The following SLC41A3 variants were observed in gnomAD, a reference collection of about 807,000 sequenced individuals.
SLC41A3 encodes the protein SLC41A1-like 2.
Under a neutral mutation model 45.4 loss-of-function variants are expected in SLC41A3, and 44 were observed. The ratio of observed to expected loss-of-function variants is 0.97; its 90% CI spans 0.76 to 1.25. The LOEUF is 1.25. SLC41A3 is among the 50% of genes most tolerant of loss of function. The pLI is 0.00. For missense variants in SLC41A3, 550 were observed against 600.6 expected, an observed-to-expected ratio of 0.92 and a Z score of 0.88; for synonymous variants, 256 against 252.4, an observed-to-expected ratio of 1.01 and a Z score of -0.13.
At chr3:126,050,442 G>A (rs1199801574) in intron 3 of SLC41A3, among the ~76,000 whole-genome samples, 1 of 152,228 alleles carries the variant, frequency 6.6e-6, no homozygotes, top group Admixed American at 6.5e-5. Context: ...GCTAGGAACT[G>A]TGTTGGTTCA....
intron 4 of SLC41A3, among the ~76,000 whole-genome samples, chr3:126,030,971 T>C (rs1017260196): frequency 6.6e-6 from 1 of 152,224 alleles, no homozygotes; most frequent in Non-Finnish European, 1.5e-5. Flanking sequence ...TGTGTATTTG[T>C]ACAAAGCATT....
chr3:126,097,669 G>T (rs775336307), intron 1 of SLC41A3, among the ~76,000 whole-genome samples: 2 of 152,110 alleles, frequency 1.3e-5, no homozygotes, highest in African/African-American at 2.4e-5. Flanking sequence ...TAGAGTTATG[G>T]GTACAAGACA....
intron 2 of SLC41A3, among the ~76,000 whole-genome samples, chr3:126,066,830 C>T (rs1046774719): frequency 6.6e-6 from 1 of 152,116 alleles, no homozygotes; most frequent in Non-Finnish European, 1.5e-5. Context: ...TTTACTCATG[C>T]GGTCCTAAGA....
At chr3:126,098,695 C>G (rs1474806983) in intron 1 of SLC41A3, among the ~76,000 whole-genome samples, 1 of 152,198 alleles carries the variant, frequency 6.6e-6, no homozygotes, top group African/African-American at 2.4e-5. Flanking sequence ...CATGACTGTT[C>G]CAATTTGTCA....
At chr3:126,095,126 C>CA (rs1945569461) in intron 1 of SLC41A3, 1 of 604,136 alleles carries the variant, frequency 1.7e-6, no homozygotes, top group Non-Finnish European at 3.0e-6. Context: ...GATCCAATAA[C>CA]AAAAAATTGG....
At chr3:126,068,750 T>C (rs1366673093) in intron 1 of SLC41A3, among the ~76,000 whole-genome samples, 1 of 152,168 alleles carries the variant, frequency 6.6e-6, no homozygotes, top group Non-Finnish European at 1.5e-5. Flanking sequence ...AGCCTGCAAC[T>C]GCAGTGAGAG....
At chr3:126,022,735 G>A in intron 6 of SLC41A3, 51 bp downstream of exon 6, 1 of 1,607,890 alleles carries the variant, frequency 6.2e-7, no homozygotes, top group Non-Finnish European at 8.5e-7. Context: ...ACCTGCTCCA[G>A]GGCCCCCCCT....
intron 4 of SLC41A3, among the ~76,000 whole-genome samples, chr3:126,032,716 C>T (rs1941892599): frequency 6.6e-6 from 1 of 152,132 alleles, no homozygotes; most frequent in Admixed American, 6.5e-5. Flanking sequence ...GATGGAGATG[C>T]CCCGTACAGT....
rs372578886 is a variant in SLC41A3, at chr3:126,006,499, G to A, written c.*517C>T. On this transcript the variant is annotated 3_prime_UTR_variant, in exon 11 of 11. Transcript: ENST00000360370. ...TGAGTGCAGATGAAGGGTTGTATGA[G>A]GCCCCATCCTGGGGAGGCTGTACAC... 24 of 1,613,880 alleles carry A rather than the reference G, an allele frequency of 1.5e-5. No homozygotes were observed. The African/African-American group carries it at 2.9e-4, about 20-fold the overall frequency.
intron 3 of SLC41A3, among the ~76,000 whole-genome samples, chr3:126,037,285 C>T (rs1942267861): frequency 6.6e-6 from 1 of 152,146 alleles, no homozygotes; most frequent in African/African-American, 2.4e-5. Context: ...GCAGATGCCA[C>T]CACTATGATT....
chr3:126,094,339 A>G (rs1457973488), intron 1 of SLC41A3, among the ~76,000 whole-genome samples: 1 of 152,252 alleles, frequency 6.6e-6, no homozygotes, highest in African/African-American at 2.4e-5. Context: ...GTTAACAGAT[A>G]AGCCAATTTG....
At chr3:126,059,307 A>AAAGAAAGAAAGAAAGAAAGAAAGG (rs1559870097) in intron 2 of SLC41A3, among the ~76,000 whole-genome samples, 827 of 59,328 alleles carry the variant, frequency 0.014, 158 homozygotes, top group South Asian at 0.02. Flanking sequence ...AGAAAGAAAG[A>AAAGAAAGAAAGAAAGAAAGAAAGG]AAGGAAGGAT....
At chr3:126,052,000 C>T (rs565618134) in intron 2 of SLC41A3, among the ~76,000 whole-genome samples, 5 of 152,226 alleles carry the variant, frequency 3.3e-5, no homozygotes, top group South Asian at 2.1e-4. Context: ...CTTGACCAGG[C>T]GTGAAGGTGA....
chr3:126,096,912 C>T (rs1253154410), intron 1 of SLC41A3, among the ~76,000 whole-genome samples: 1 of 152,158 alleles, frequency 6.6e-6, no homozygotes, highest in Non-Finnish European at 1.5e-5. Flanking sequence ...TTCAGTCCTT[C>T]CCTCCTCGGA....
chr3:126,081,987 G>A lies in SLC41A3; in HGVS notation c.-28+2106C>T, dbSNP rs545111979. Among the ~76,000 whole-genome samples, 16 of 152,380 alleles carry A rather than the reference G, an allele frequency of 1.1e-4. No individual in the cohort carries two copies. The South Asian group carries it at 3.3e-3, about 32-fold the overall frequency. ...CCCAGCCCTGGTCCACCCTCACTGT[G>A]CCTGCACATGGTGCCAGAGGAAGGC... On this transcript the variant is annotated intron_variant, in intron 1 of 10. Transcript: ENST00000360370.
At chr3:126,058,974 C>A (rs1342679858) in intron 2 of SLC41A3, among the ~76,000 whole-genome samples, 1 of 151,992 alleles carries the variant, frequency 6.6e-6, no homozygotes, top group African/African-American at 2.4e-5. Flanking sequence ...GAATTCCCAA[C>A]GTACTCTCTG....
At chr3:126,088,438 T>C (rs1223603658), upstream of SLC41A3, among the ~76,000 whole-genome samples, 1 of 152,224 alleles carries the variant, frequency 6.6e-6, no homozygotes, top group Non-Finnish European at 1.5e-5. Context: ...TCAGTTTTTA[T>C]CACTGGAAAT....
chr3:126,056,870 A>G, intron 2 of SLC41A3: 2 of 1,178,756 alleles, frequency 1.7e-6, no homozygotes, highest in Non-Finnish European at 2.1e-6. Context: ...TCCCTCTGCC[A>G]GTCTGCCATG....
rs976063853 is a variant in SLC41A3 at position 126,038,044 on chromosome 3, T to C, written c.382-4366A>G. Among the ~76,000 whole-genome samples the C allele has an allele frequency of 3.9e-5, 6 of 152,240 alleles. No individual in the cohort carries two copies. In the East Asian group the frequency reaches 7.7e-4, roughly 19 times the overall value. On this transcript the variant is annotated intron_variant, in intron 3 of 10. Transcript: ENST00000360370. Reference sequence around the variant, plus strand: ...TTCAGAGGATGCAAGTCTTACACCTTGGTGGCTCCCAGTGGTGTAAAGTCT... The same window carrying C: ...TTCAGAGGATGCAAGTCTTACACCTCGGTGGCTCCCAGTGGTGTAAAGTCT...
Sources: gnomAD v4.1 joint callset for allele counts (sites outside exome capture counted in the v4.1 genomes callset) on GRCh38, gnomAD v4.1.1 for gene constraint, MANE v1.5 for transcripts, NCBI Gene and HGNC (gene_info 2026-07-23, HGNC 2026-07-21) for gene names.